The following GALNT13 variants were observed in gnomAD, a reference collection of about 807,000 sequenced individuals.
GALNT13 encodes the protein polypeptide N-acetylgalactosaminyltransferase 13.
In GALNT13, 28 loss-of-function variants were observed where a neutral mutation model predicts 64.2. The observed-to-expected ratio is 0.44, with a 90% CI of 0.32 to 0.60. The LOEUF is 0.60. Among genes scored for constraint, GALNT13 ranks in the 20% least tolerant of loss-of-function variants. The pLI, the probability that GALNT13 is intolerant of heterozygous loss-of-function variation, is 0.05. For missense variants in GALNT13, 577 were observed against 669.8 expected, an observed-to-expected ratio of 0.86 and a Z score of 1.53; for synonymous variants, 214 against 224.6, an observed-to-expected ratio of 0.95 and a Z score of 0.42.
At chr2:154,013,149 TG>T (rs2105253802) in intron 3 of GALNT13, among the ~76,000 whole-genome samples, 1 of 151,116 alleles carries the variant, frequency 6.6e-6, no homozygotes, top group African/African-American at 2.4e-5. Context: ...AAAGTTTTTA[TG>T]CTGTTTGTTT....
chr2:153,763,201 G>A, the GALNT13 span, among the ~76,000 whole-genome samples: 1 of 152,018 alleles, frequency 6.6e-6, no homozygotes. Flanking sequence ...ATATGATTCT[G>A]TATTTCTTCT....
intron 10 of GALNT13, among the ~76,000 whole-genome samples, chr2:154,399,263 A>G (rs1427017222): frequency 6.6e-6 from 1 of 152,194 alleles, no homozygotes; most frequent in African/African-American, 2.4e-5. Flanking sequence ...TTTAATAAAA[A>G]TAAAAAAAGA....
chr2:154,407,162 A>T (rs1170920233), intron 10 of GALNT13, among the ~76,000 whole-genome samples: 1 of 152,100 alleles, frequency 6.6e-6, no homozygotes. Context: ...GTAATTATTA[A>T]TTAGTGCCTA....
chr2:153,364,080 CA>C, the GALNT13 span, among the ~76,000 whole-genome samples: 1 of 152,176 alleles, frequency 6.6e-6, no homozygotes, highest in Admixed American at 6.5e-5. Flanking sequence ...AAGGCTGGTT[CA>C]ACCTATGCAA....
chr2:153,555,318 C>T, the GALNT13 span, among the ~76,000 whole-genome samples: 4 of 134,528 alleles, frequency 3.0e-5, no homozygotes, highest in East Asian at 2.1e-4. Context: ...CCTCAGCCTC[C>T]CGAGTAGCTG....
the GALNT13 span, among the ~76,000 whole-genome samples, chr2:153,516,055 T>C: frequency 6.6e-6 from 1 of 152,210 alleles, no homozygotes; most frequent in Admixed American, 6.5e-5. Context: ...CAAAGACCAG[T>C]TATGAAACTG....
chr2:153,909,198 T>C (rs1426597398), intron 2 of GALNT13, among the ~76,000 whole-genome samples: 1 of 152,210 alleles, frequency 6.6e-6, no homozygotes, highest in African/African-American at 2.4e-5. Flanking sequence ...TCAGCTTGGC[T>C]GTCATTGCCA....
the GALNT13 span, among the ~76,000 whole-genome samples, chr2:153,318,324 A>G: frequency 6.6e-6 from 1 of 152,172 alleles, no homozygotes; most frequent in Non-Finnish European, 1.5e-5. Context: ...GATCTAAGCC[A>G]ATAAAGGTGT....
At chr2:153,946,476 A>G (rs1285894470) in intron 3 of GALNT13, among the ~76,000 whole-genome samples, 2 of 152,126 alleles carry the variant, frequency 1.3e-5, no homozygotes, top group Admixed American at 1.3e-4. Flanking sequence ...CTTGGTGGCT[A>G]ACAAGGAACA....
At chr2:154,227,805 C>A (rs956008427) in intron 4 of GALNT13, among the ~76,000 whole-genome samples, 3 of 151,984 alleles carry the variant, frequency 2.0e-5, no homozygotes, top group African/African-American at 7.2e-5. Context: ...TCACCAGTGG[C>A]GCTTGTGGCT....
chr2:154,147,681 A>C (rs1683699315), intron 4 of GALNT13, among the ~76,000 whole-genome samples: 1 of 151,926 alleles, frequency 6.6e-6, no homozygotes, highest in Non-Finnish European at 1.5e-5. Context: ...TAATTCATAT[A>C]TTCAAGTTTA....
At chr2:153,609,123 G>A in the GALNT13 span, among the ~76,000 whole-genome samples, 3 of 151,598 alleles carry the variant, frequency 2.0e-5, no homozygotes, top group African/African-American at 4.8e-5. Flanking sequence ...AGTATTTTTT[G>A]TAGAACTGGG....
At chr2:154,050,369 C>A (rs1040099708) in intron 3 of GALNT13, among the ~76,000 whole-genome samples, 1 of 152,168 alleles carries the variant, frequency 6.6e-6, no homozygotes, top group African/African-American at 2.4e-5. Flanking sequence ...TGACCCCAGA[C>A]CCTGTGCTCT....
the GALNT13 span, among the ~76,000 whole-genome samples, chr2:153,084,670 C>G: frequency 1.7e-4 from 26 of 152,240 alleles, no homozygotes. Flanking sequence ...GTCTTGTCTA[C>G]CACCTTGTAA....
At chr2:153,791,201 T>C in the GALNT13 span, among the ~76,000 whole-genome samples, 1 of 152,016 alleles carries the variant, frequency 6.6e-6, no homozygotes, top group East Asian at 1.9e-4. Context: ...CCCATTAAAG[T>C]GTGGACAAAA....
At chr2:153,973,754 T>G (rs1007693552) in intron 3 of GALNT13, among the ~76,000 whole-genome samples, 1 of 152,022 alleles carries the variant, frequency 6.6e-6, no homozygotes, top group African/African-American at 2.4e-5. Flanking sequence ...CTTTCCTCCT[T>G]TTACTTTTTA....
chr2:153,624,266 C>A, the GALNT13 span, among the ~76,000 whole-genome samples: 1 of 152,018 alleles, frequency 6.6e-6, no homozygotes, highest in Non-Finnish European at 1.5e-5. Flanking sequence ...TCTCTAGGAG[C>A]CTATTTCTGT....
the GALNT13 span, among the ~76,000 whole-genome samples, chr2:153,313,553 C>G: frequency 2.1e-5 from 3 of 143,590 alleles, no homozygotes; most frequent in Non-Finnish European, 3.0e-5. Flanking sequence ...CAGAGGGTGG[C>G]GGGGTGGGAG....
the GALNT13 span, among the ~76,000 whole-genome samples, chr2:153,754,455 G>GC: frequency 3.3e-5 from 5 of 152,160 alleles, no homozygotes; most frequent in African/African-American, 1.2e-4. Flanking sequence ...TTCCCTTCTG[G>GC]CCCAGAGTGT....
Sources: gnomAD v4.1 joint callset for allele counts (sites outside exome capture counted in the v4.1 genomes callset) on GRCh38, gnomAD v4.1.1 for gene constraint, MANE v1.5 for transcripts, NCBI Gene and HGNC (gene_info 2026-07-23, HGNC 2026-07-21) for gene names.